FGF8: variants seen among roughly 807,000 people sequenced by gnomAD.
The protein encoded by FGF8 is androgen-induced growth factor.
A neutral mutation model predicts 29.7 loss-of-function variants in FGF8; 12 were observed. That is an observed-to-expected ratio of 0.40 (90% CI 0.26 to 0.65). The LOEUF (loss-of-function observed/expected upper bound fraction) is 0.65, where lower values mean the gene tolerates loss of function less well. Among genes scored for constraint, FGF8 ranks in the 30% least tolerant of loss-of-function variants. The pLI is 0.37. For synonymous variants in FGF8, 157 were observed against 144.4 expected (o/e 1.09, Z -0.63); for missense variants, 271 against 345.1 (o/e 0.79, Z 1.70).
At position 101,771,742 on chromosome 10, in the gene FGF8, C is replaced by T. The variant is rs1266847073; in HGVS notation, c.338-173G>A. On this transcript the variant is annotated intron_variant, in intron 4 of 5. Transcript: ENST00000320185. The surrounding 1 kb of genome is among the most constrained non-coding windows in gnomAD (Gnocchi z 5.3). ...AACCCAGAGAAAGGGCTTTTCTGGA[C>T]CTCGGGCCCCACCCCTGGGTTTACA... is the stretch of plus-strand genomic sequence containing the variant. Among the ~76,000 whole-genome samples the T allele has an allele frequency of 6.6e-6, 1 of 152,192 alleles. No homozygotes were observed. The highest frequency in any genetic ancestry group is 1.5e-5 in the Non-Finnish European group (1 of 68,038).
rs540529763 is a variant in FGF8 at position 101,771,745 on chromosome 10, C to T, written c.338-176G>A. ...CCAGAGAAAGGGCTTTTCTGGACCT[C>T]GGGCCCCACCCCTGGGTTTACAGAG... On this transcript the variant is annotated intron_variant, in intron 4 of 5. Transcript: ENST00000320185. The surrounding 1 kb of genome is among the most constrained non-coding windows in gnomAD (Gnocchi z 5.3). Among the ~76,000 whole-genome samples, 3 of 152,292 alleles carry T rather than the reference C, an allele frequency of 2.0e-5. No individual in the cohort carries two copies. Among genetic ancestry groups the T allele is most frequent in the South Asian group, 2.1e-4 (1 of 4,820 alleles).
upstream of FGF8, among the ~76,000 whole-genome samples, chr10:101,779,208 G>GCGC (rs1386967100): frequency 6.6e-6 from 1 of 152,088 alleles, no homozygotes; most frequent in Non-Finnish European, 1.5e-5. The surrounding 1 kb of genome is among the most constrained non-coding windows in gnomAD (Gnocchi z 5.7). Context: ...TCGCTCCGAC[G>GCGC]CGCGCTTCCT....
chr10:101,775,209 G>T lies in FGF8; in HGVS notation c.77C>A (p.Pro26Gln). 2.6e-6 allele frequency: 4 copies of T among 1,539,758 alleles called. No homozygotes were observed. Among genetic ancestry groups the T allele is most frequent in the Non-Finnish European group, 3.5e-6 (4 of 1,139,064 alleles). Residue 26 changes from proline (P) to glutamine (Q), a missense_variant, in exon 3 of 6, where the codon CCG (proline) becomes CAG (glutamine). Pro to Gln is a moderately conservative substitution (Grantham distance 76, BLOSUM62 -1). Transcript: ENST00000320185. This position sits in a 1 kb window ranked among gnomAD's most constrained non-coding sequence, Gnocchi z 4.6. ...CCTGCCCAGCGCAGGGCCCCTGCCCGGGCCTTCCTAGAGGAGCAGGGCGCT... is the reference window on the plus strand; with the variant it reads ...CCTGCCCAGCGCAGGGCCCCTGCCCTGGCCTTCCTAGAGGAGCAGGGCGCT... ...LVLCLQAQEG[P>Q]GRGPALGREL...
Position 101,775,254 on chromosome 10 carries a change from C to T in FGF8, c.70-38G>A. ...GGCGCTTTTAAGTAGGGAGGCAGCC[C>T]TCCCCGACCCCTGACATTTATAAAG... On this transcript the variant is annotated intron_variant, in intron 2 of 5. Transcript: ENST00000320185. This position sits in a 1 kb window ranked among gnomAD's most constrained non-coding sequence, Gnocchi z 4.6. 1 of 1,359,128 alleles carries T rather than the reference C, an allele frequency of 7.4e-7. No individual in the cohort carries two copies. Among genetic ancestry groups the T allele is most frequent in the Non-Finnish European group, 1.0e-6 (1 of 977,210 alleles). 84.2% of individuals were successfully genotyped at this position (1,359,128 alleles called of 1,614,324 possible).
Position 101,775,588 on chromosome 10 carries a change from C to G in FGF8, c.69+152G>C, listed in dbSNP as rs1174741884. ...GGTGCTACCTCTCTGTGCCTCAGCTCCCTCCTCGGGGTGGCTCGGGGCTGG... is the reference window on the plus strand; with the variant it reads ...GGTGCTACCTCTCTGTGCCTCAGCTGCCTCCTCGGGGTGGCTCGGGGCTGG... On this transcript the variant is annotated intron_variant, in intron 2 of 5. Transcript: ENST00000320185. This position sits in a 1 kb window ranked among gnomAD's most constrained non-coding sequence, Gnocchi z 4.6. The G allele has an allele frequency of 8.7e-6, 7 of 801,194 alleles. No homozygotes were observed. The highest frequency in any genetic ancestry group is 1.4e-5 in the Non-Finnish European group (7 of 509,404). The allele number at this position is 801,194 out of a possible 1,614,324, so 49.6% of individuals were successfully genotyped here. A position where few individuals can be genotyped will look rare whatever the true frequency, so the allele number is the denominator to read the frequency against.
intron 4 of FGF8, among the ~76,000 whole-genome samples, chr10:101,773,884 TTC>T (rs906464285): frequency 1.3e-5 from 2 of 152,236 alleles, no homozygotes; most frequent in African/African-American, 4.8e-5. Flanking sequence ...CTCGTTCTTT[TTC>T]TGTTTTATAT....
At position 101,775,351 on chromosome 10, in the gene FGF8, A is replaced by G; in HGVS notation, c.70-135T>C. ...CGATCATTGGGCCAAATCGGCCACA[A>G]GCCTCCCCCGAGGGGCGCTGAGAGG... is the stretch of plus-strand genomic sequence containing the variant. On this transcript the variant is annotated intron_variant, in intron 2 of 5. Transcript: ENST00000320185. The surrounding 1 kb of genome is among the most constrained non-coding windows in gnomAD (Gnocchi z 4.6). 1.5e-6 allele frequency: 1 copy of G among 688,350 alleles called. No individual in the cohort carries two copies. The highest frequency in any genetic ancestry group is 2.6e-6 in the Non-Finnish European group (1 of 390,206). The allele number at this position is 688,350 out of a possible 1,614,324, so 42.6% of individuals were successfully genotyped here. A position where few individuals can be genotyped will look rare whatever the true frequency, so the allele number is the denominator to read the frequency against.
Position 101,770,140 on chromosome 10 carries a change from TTAAAAAAAAAAA to T in FGF8, c.*177_*188del. ...ACAAAAATAGAGCCTCTCTTTTGTTTTAAAAAAAAAAAAAAAAAAAAAAACAGCAAAAACCCA... is the reference window on the plus strand; with the variant it reads ...ACAAAAATAGAGCCTCTCTTTTGTTTAAAAAAAAAAAACAGCAAAAACCCA... On this transcript the variant is annotated 3_prime_UTR_variant, in exon 6 of 6. Transcript: ENST00000320185. 1 of 523,842 alleles carries T rather than the reference TTAAAAAAAAAAA, an allele frequency of 1.9e-6. No homozygotes were observed. The highest frequency in any genetic ancestry group is 3.3e-6 in the Non-Finnish European group (1 of 304,540). The allele number at this position is 523,842 out of a possible 1,614,324, so 32.4% of individuals were successfully genotyped here. A position where few individuals can be genotyped will look rare whatever the true frequency, so the allele number is the denominator to read the frequency against.
At chr10:101,776,321 G>C (rs1179859933), upstream of FGF8, among the ~76,000 whole-genome samples, 1 of 147,964 alleles carries the variant, frequency 6.8e-6, no homozygotes, top group Non-Finnish European at 1.5e-5. Context: ...AGGGGCGGCC[G>C]ACGGGTTCGG....
rs1287100704 is a variant in FGF8, at chr10:101,775,691, G to A, written c.69+49C>T. 2.6e-6 allele frequency: 4 copies of A among 1,536,042 alleles called. No homozygotes were observed. Among genetic ancestry groups the A allele is most frequent in the Non-Finnish European group, 3.5e-6 (4 of 1,142,158 alleles). On this transcript the variant is annotated intron_variant, in intron 2 of 5. Transcript: ENST00000320185. This position sits in a 1 kb window ranked among gnomAD's most constrained non-coding sequence, Gnocchi z 4.6. ...GCCCCCGACCGGCGCTGCCCACCCG[G>A]GTCTCACACCGGCGCGCCCGGCCCC...
In FGF8 at chr10:101,771,628, C is replaced by T. The variant is rs2065028469; in HGVS notation, c.338-59G>A. On this transcript the variant is annotated intron_variant, in intron 4 of 5. Transcript: ENST00000320185. The surrounding 1 kb of genome is among the most constrained non-coding windows in gnomAD (Gnocchi z 5.3). ...GATCCCTGACCCCAGCTGGCCCACA[C>T]ACTTGTCACAGCCCAGCAGCAACTG... 7.4e-7 allele frequency: 1 copy of T among 1,354,166 alleles called. No homozygotes were observed. Among genetic ancestry groups the T allele is most frequent in the Non-Finnish European group, 1.1e-6 (1 of 947,038 alleles). The allele number at this position is 1,354,166 out of a possible 1,614,324, so 83.9% of individuals were successfully genotyped here.
chr10:101,775,880 C>A lies in FGF8; in HGVS notation c.21G>T (p.Ala7=). 2 of 1,425,398 alleles carry A rather than the reference C, an allele frequency of 1.4e-6. No individual in the cohort carries two copies. Among genetic ancestry groups the A allele is most frequent in the Non-Finnish European group, 1.8e-6 (2 of 1,092,574 alleles). 88.3% of individuals were successfully genotyped at this position (1,425,398 alleles called of 1,614,324 possible). Residue 7 remains alanine, a synonymous_variant, in exon 1 of 6, where the codon GCG becomes GCT. Coordinates refer to ENST00000320185, the MANE Select transcript of FGF8 (RefSeq NM_033163.5). This position sits in a 1 kb window ranked among gnomAD's most constrained non-coding sequence, Gnocchi z 4.6. ...GGCGCGGTACTCACAGGCAGCTCAG[C>A]GCGGAGCGGGGGCTGCCCATGGCGC... MGSPRS[A]LSCLLLHLLV... is the part of the protein sequence containing the mutation.
Position 101,775,763 on chromosome 10 carries a change from G to T in FGF8, c.46C>A (p.Leu16Met), listed in dbSNP as rs1467459536. 12 of 1,545,840 alleles carry T rather than the reference G, an allele frequency of 7.8e-6. No homozygotes were observed. In the East Asian group the frequency reaches 2.9e-4, roughly 38 times the overall value. Residue 16 changes from leucine to methionine, a missense_variant, in exon 2 of 6, where the codon CTG becomes ATG. By Grantham distance (15) the Leu-to-Met change is conservative (BLOSUM62 2). Coordinates refer to ENST00000320185, the MANE Select transcript of FGF8 (RefSeq NM_033163.5). The surrounding 1 kb of genome is among the most constrained non-coding windows in gnomAD (Gnocchi z 4.6). ...ACCTGGGCTTGGAGGCAGAGGACCA[G>T]CAAGTGCAACAGCCTGTGGGAGACA... ...SALSCLLLHL[L>M]VLCLQAQEGP...
Position 101,770,321 on chromosome 10 carries a change from G to A in FGF8, c.*8C>T. 3 of 1,585,816 alleles carry A rather than the reference G, an allele frequency of 1.9e-6. No individual in the cohort carries two copies. Among genetic ancestry groups the A allele is most frequent in the Non-Finnish European group, 2.6e-6 (3 of 1,167,006 alleles). ...CGGTCTGGCATTGTGGGGAGGGCCA[G>A]GCAGCACCTATCGGGGCTCGGGGGC... is the stretch of plus-strand genomic sequence containing the variant. On this transcript the variant is annotated 3_prime_UTR_variant, in exon 6 of 6. Transcript: ENST00000320185.
rs1413267623 is a variant in FGF8, at chr10:101,775,925, A to G, written c.-25T>C. 2.5e-5 allele frequency: 30 copies of G among 1,216,482 alleles called. No homozygotes were observed. In the Admixed American group the frequency reaches 1.3e-3, roughly 54 times the overall value. 75.4% of individuals were successfully genotyped at this position (1,216,482 alleles called of 1,614,324 possible). ...TGGCGCGCGGCCCCGGGGCACCGAGAGCCCGGCGGGTCACGCCGTCCCGCG... is the reference window on the plus strand; with the variant it reads ...TGGCGCGCGGCCCCGGGGCACCGAGGGCCCGGCGGGTCACGCCGTCCCGCG... On this transcript the variant is annotated 5_prime_UTR_variant, in exon 1 of 6. Coordinates refer to ENST00000320185, the MANE Select transcript of FGF8 (RefSeq NM_033163.5). The surrounding 1 kb of genome is among the most constrained non-coding windows in gnomAD (Gnocchi z 4.6).
chr10:101,774,195 G>T (rs1203463904), intron 4 of FGF8, among the ~76,000 whole-genome samples: 2 of 152,216 alleles, frequency 1.3e-5, no homozygotes, highest in Non-Finnish European at 2.9e-5. Flanking sequence ...ACCCCACAGG[G>T]AGCCGGGAGC....
rs2065041469 is a variant in FGF8 at position 101,772,718 on chromosome 10, C to T, written c.338-1149G>A. Reference sequence around the variant, plus strand: ...AACCCATGGCAGGGGTTTGGGGCATCGAGGTCAGCAAGTCAGTCATCACTG... The same window carrying T: ...AACCCATGGCAGGGGTTTGGGGCATTGAGGTCAGCAAGTCAGTCATCACTG... On this transcript the variant is annotated intron_variant, in intron 4 of 5. Transcript: ENST00000320185. This position sits in a 1 kb window ranked among gnomAD's most constrained non-coding sequence, Gnocchi z 4.4. 6.6e-6 allele frequency among the ~76,000 whole-genome samples: 1 copy of T among 152,156 alleles called. No homozygotes were observed. Among genetic ancestry groups the T allele is most frequent in the Non-Finnish European group, 1.5e-5 (1 of 68,026 alleles).
Position 101,771,674 on chromosome 10 carries a change from A to C in FGF8, c.338-105T>G. ...AACTGCTCCAAAGACCAGGAACCCA[A>C]AACATGGACTCCAGCTCCAGCCCAG... On this transcript the variant is annotated intron_variant, in intron 4 of 5. Transcript: ENST00000320185. This position sits in a 1 kb window ranked among gnomAD's most constrained non-coding sequence, Gnocchi z 5.3. The C allele has an allele frequency of 1.2e-6, 1 of 850,818 alleles. No individual in the cohort carries two copies. The highest frequency in any genetic ancestry group is 2.0e-6 in the Non-Finnish European group (1 of 507,446). 52.7% of individuals were successfully genotyped at this position (850,818 alleles called of 1,614,324 possible).
Position 101,770,529 on chromosome 10 carries a change from A to G in FGF8, c.535T>C (p.Tyr179His). Residue 179 changes from tyrosine to histidine, a missense_variant, in exon 6 of 6, where the codon TAC (tyrosine) becomes CAC (histidine). Tyr to His is a moderately conservative substitution (Grantham distance 83). Coordinates refer to ENST00000320185, the MANE Select transcript of FGF8 (RefSeq NM_033163.5). ...ALQNAKYEGW[Y>H]MAFTRKGRPR... ...CGGCCCTTGCGGGTGAAGGCCATGTACCAGCCCTCGTACTTGGCATTCTGC... is the reference window on the plus strand; with the variant it reads ...CGGCCCTTGCGGGTGAAGGCCATGTGCCAGCCCTCGTACTTGGCATTCTGC... The G allele has an allele frequency of 6.2e-7, 1 of 1,613,592 alleles. No individual in the cohort carries two copies. Among genetic ancestry groups the G allele is most frequent in the Non-Finnish European group, 8.5e-7 (1 of 1,179,974 alleles).
Sources: allele counts gnomAD v4.1 joint callset (sites outside exome capture counted in the v4.1 genomes callset), GRCh38; gene constraint gnomAD v4.1.1; non-coding constraint Gnocchi (gnomAD v3.1); transcripts MANE v1.5; gene names NCBI Gene and HGNC (gene_info 2026-07-23, HGNC 2026-07-21).